The following FBXW7 variants were observed in gnomAD, a reference collection of about 807,000 sequenced individuals.
FBXW7 encodes the protein F-box and WD repeat domain containing 7, also known as F-box/WD repeat-containing protein 7.
FBXW7 carries 11 observed loss-of-function variants against 86.3 expected under a neutral mutation model. The ratio of observed to expected loss-of-function variants is 0.13; its 90% CI spans 0.08 to 0.21. The LOEUF is 0.21. Ranked by LOEUF, FBXW7 falls within the 10% of genes least tolerant of loss-of-function variation. The probability of loss-of-function intolerance (pLI) is 1.00; values close to 1 mark genes in which losing one functional copy is unlikely to be tolerated. For synonymous variants in FBXW7, 313 were observed against 297.9 expected, an observed-to-expected ratio of 1.05 and a Z score of -0.52; for missense variants, 488 against 847.4, an observed-to-expected ratio of 0.58 and a Z score of 5.27.
At chr4:152,445,910 T>TAAA (rs11457603) in intron 2 of FBXW7, among the ~76,000 whole-genome samples, 2,750 of 100,228 alleles carry the variant, frequency 0.027, 103 homozygotes, top group Non-Finnish European at 0.047. Flanking sequence ...ACTCTGTCTT[T>TAAA]AAAAAAAAAA....
At chr4:152,348,733 CAGTT>C (rs1731509866) in intron 5 of FBXW7, 1 of 1,155,764 alleles carries the variant, frequency 8.7e-7, no homozygotes. Flanking sequence ...ATAGCATTAA[CAGTT>C]AGTTTAACAT....
intron 2 of FBXW7, among the ~76,000 whole-genome samples, chr4:152,450,525 G>A (rs968355812): frequency 6.6e-6 from 1 of 152,154 alleles, no homozygotes; most frequent in Non-Finnish European, 1.5e-5. Flanking sequence ...CCACGTTAGC[G>A]AAAAATGTCC....
intron 2 of FBXW7, among the ~76,000 whole-genome samples, chr4:152,457,643 C>CAAAAAA (rs769232533): frequency 5.2e-5 from 3 of 57,456 alleles, no homozygotes; most frequent in Non-Finnish European, 7.5e-5. Context: ...GACTCTGTCT[C>CAAAAAA]AAAAAAAAAA....
At chr4:152,344,453 A>C (rs1389211453) in intron 6 of FBXW7, among the ~76,000 whole-genome samples, 1 of 152,108 alleles carries the variant, frequency 6.6e-6, no homozygotes, top group Non-Finnish European at 1.5e-5. Context: ...CCTGTTAACT[A>C]AGAACATGTT....
chr4:152,355,670 G>A (rs1732303647), intron 4 of FBXW7, among the ~76,000 whole-genome samples: 1 of 152,042 alleles, frequency 6.6e-6, no homozygotes, highest in South Asian at 2.1e-4. Flanking sequence ...ATTAGCAAAG[G>A]GAATGACCAA....
chr4:152,522,120 G>C (rs1388818228), intron 2 of FBXW7, among the ~76,000 whole-genome samples: 1 of 152,060 alleles, frequency 6.6e-6, no homozygotes, highest in Non-Finnish European at 1.5e-5. Flanking sequence ...AGAGCTCCAA[G>C]GTTTCCCCCA....
At chr4:152,524,021 C>A (rs1749266230) in intron 2 of FBXW7, among the ~76,000 whole-genome samples, 1 of 152,136 alleles carries the variant, frequency 6.6e-6, no homozygotes, top group East Asian at 1.9e-4. Flanking sequence ...AAAACCAGCA[C>A]CCTCACAGAA....
At chr4:152,465,193 GAAAA>G (rs35606609) in intron 2 of FBXW7, among the ~76,000 whole-genome samples, 1 of 144,488 alleles carries the variant, frequency 6.9e-6, no homozygotes, top group African/African-American at 2.5e-5. Context: ...TACCTTCAAG[GAAAA>G]AAAAAAGTCT....
At chr4:152,478,384 T>C (rs986422015) in intron 2 of FBXW7, among the ~76,000 whole-genome samples, 1 of 152,172 alleles carries the variant, frequency 6.6e-6, no homozygotes, top group Non-Finnish European at 1.5e-5. Context: ...ATCTATGTTG[T>C]ACCATGTACC....
At chr4:152,451,035 G>C (rs893850657) in intron 2 of FBXW7, among the ~76,000 whole-genome samples, 1 of 152,116 alleles carries the variant, frequency 6.6e-6, no homozygotes, top group African/African-American at 2.4e-5. Context: ...TTGATGTATA[G>C]TATTGTTGAT....
chr4:152,382,070 A>G, intron 4 of FBXW7: 1 of 569,028 alleles, frequency 1.8e-6, no homozygotes. Context: ...CTGGCTACAC[A>G]ATGCATTGAT....
intron 4 of FBXW7, among the ~76,000 whole-genome samples, chr4:152,378,286 T>G (rs1017261648): frequency 6.6e-6 from 1 of 152,220 alleles, no homozygotes; most frequent in Admixed American, 6.5e-5. Context: ...TGGAATAGAA[T>G]TTGATATAGA....
chr4:152,397,141 G>C (rs1217891139), intron 4 of FBXW7, among the ~76,000 whole-genome samples: 1 of 151,774 alleles, frequency 6.6e-6, no homozygotes. Context: ...TTTCCTCTAA[G>C]TTCATCATAC....
intron 4 of FBXW7, among the ~76,000 whole-genome samples, chr4:152,360,350 T>A (rs1253642135): frequency 6.6e-6 from 1 of 152,180 alleles, no homozygotes; most frequent in Non-Finnish European, 1.5e-5. Flanking sequence ...GTTGTACTCC[T>A]GAATACACAG....
intron 2 of FBXW7, among the ~76,000 whole-genome samples, chr4:152,516,716 GCA>G (rs1157055452): frequency 5.9e-5 from 9 of 152,288 alleles, no homozygotes; most frequent in East Asian, 1.9e-4. Context: ...TCTCAACACT[GCA>G]CAGTTTTTAA....
At chr4:152,450,396 G>A (rs1268682468) in intron 2 of FBXW7, among the ~76,000 whole-genome samples, 1 of 152,170 alleles carries the variant, frequency 6.6e-6, no homozygotes, top group African/African-American at 2.4e-5. Flanking sequence ...CATCGAAAGA[G>A]CACATTATGT....
At chr4:152,381,770 G>A (rs1483058256) in intron 4 of FBXW7, among the ~76,000 whole-genome samples, 1 of 152,002 alleles carries the variant, frequency 6.6e-6, no homozygotes, top group Non-Finnish European at 1.5e-5. Flanking sequence ...CAGCTTAAGA[G>A]GCCAAAGAAG....
At chr4:152,504,979 T>C (rs1248211249) in intron 2 of FBXW7, among the ~76,000 whole-genome samples, 1 of 152,154 alleles carries the variant, frequency 6.6e-6, no homozygotes, top group African/African-American at 2.4e-5. Context: ...ATGACAAAGA[T>C]ACATTCAGAG....
chr4:152,367,068 T>A, intron 4 of FBXW7, among the ~76,000 whole-genome samples: 1 of 152,070 alleles, frequency 6.6e-6, no homozygotes, highest in East Asian at 1.9e-4. Flanking sequence ...TAGGTGGGAA[T>A]TGAACAATGA....
Sources: gnomAD v4.1 joint callset for allele counts (sites outside exome capture counted in the v4.1 genomes callset) on GRCh38, gnomAD v4.1.1 for gene constraint, MANE v1.5 for transcripts, NCBI Gene and HGNC (gene_info 2026-07-23, HGNC 2026-07-21) for gene names.